Variants in DLGAP1 observed in about 807,000 individuals in gnomAD.
DLGAP1 encodes disks large-associated protein 1.
DLGAP1 carries 11 observed loss-of-function variants against 90.8 expected under a neutral mutation model. The ratio of observed to expected loss-of-function variants is 0.12; its 90% CI spans 0.08 to 0.20. The LOEUF is 0.20. Ranked by LOEUF, DLGAP1 falls within the 10% of genes least tolerant of loss-of-function variation. The probability of loss-of-function intolerance (pLI) is 1.00; values close to 1 mark genes in which losing one functional copy is unlikely to be tolerated. For missense variants in DLGAP1, 1,050 were observed against 1,333.8 expected, an observed-to-expected ratio of 0.79 and a Z score of 3.31; for synonymous variants, 558 against 540.7, an observed-to-expected ratio of 1.03 and a Z score of -0.44.
Position 4,440,714 on chromosome 18 carries a change from C to T in DLGAP1, c.-267+14292G>A, listed in dbSNP as rs1335817309. Among the ~76,000 whole-genome samples the T allele has an allele frequency of 2.0e-5, 3 of 152,232 alleles. 1 individual carries two copies. The East Asian group carries it at 5.8e-4, about 29-fold the overall frequency. On this transcript the variant is annotated intron_variant, in intron 1 of 12. Coordinates refer to ENST00000315677, the MANE Select transcript of DLGAP1 (RefSeq NM_004746.4). ...GCTAGGACATTATAAAGGACACTCA[C>T]TATTCAATCAGTTTTACATGTGTCT...
At position 4,454,791 on chromosome 18, in the gene DLGAP1, C is replaced by G. The variant is rs930836869; in HGVS notation, c.-267+215G>C. Among the ~76,000 whole-genome samples, 1 of 151,890 alleles carries G rather than the reference C, an allele frequency of 6.6e-6. No homozygotes were observed. Among genetic ancestry groups the G allele is most frequent in the African/African-American group, 2.4e-5 (1 of 41,394 alleles). ...AGAGGACGCGCTCGCCCCCGAGATC[C>G]CAGGTTACCCGGAGGGCCCGGGAGT... On this transcript the variant is annotated intron_variant, in intron 1 of 12. Coordinates refer to ENST00000315677, the MANE Select transcript of DLGAP1 (RefSeq NM_004746.4). This position sits in a 1 kb window ranked among gnomAD's most constrained non-coding sequence, Gnocchi z 4.7.
At chr18:4,345,763 T>G (rs986694112) in intron 1 of DLGAP1, among the ~76,000 whole-genome samples, 1 of 152,210 alleles carries the variant, frequency 6.6e-6, no homozygotes, top group African/African-American at 2.4e-5. Flanking sequence ...AGCCTACTTT[T>G]TCCCTTCTGC....
At chr18:4,012,677 T>C (rs754375481) in intron 2 of DLGAP1, among the ~76,000 whole-genome samples, 4 of 152,102 alleles carry the variant, frequency 2.6e-5, no homozygotes, top group Admixed American at 6.5e-5. Context: ...TTTTATTCTA[T>C]AAATTTTCTT....
intron 1 of DLGAP1, among the ~76,000 whole-genome samples, chr18:4,435,281 GT>G (rs1051658812): frequency 1.3e-5 from 2 of 152,130 alleles, no homozygotes; most frequent in African/African-American, 4.8e-5. Context: ...AAAATTTGAT[GT>G]TTTGATACAA....
chr18:3,840,887 A>G (rs754631605), intron 4 of DLGAP1, among the ~76,000 whole-genome samples: 2 of 152,090 alleles, frequency 1.3e-5, no homozygotes, highest in Non-Finnish European at 2.9e-5. Flanking sequence ...TTCACGGAAC[A>G]CCCTGTTGCC....
At chr18:4,427,875 G>A (rs1460076431) in intron 1 of DLGAP1, among the ~76,000 whole-genome samples, 1 of 152,196 alleles carries the variant, frequency 6.6e-6, no homozygotes, top group Admixed American at 6.5e-5. Context: ...AATGCTTAAA[G>A]TGACCTCATT....
At chr18:3,530,731 T>C (rs2051936164) in intron 10 of DLGAP1, among the ~76,000 whole-genome samples, 1 of 152,230 alleles carries the variant, frequency 6.6e-6, no homozygotes, top group Non-Finnish European at 1.5e-5. Context: ...CTAATTGTGC[T>C]TGGGGGTCAA....
intron 7 of DLGAP1, among the ~76,000 whole-genome samples, chr18:3,586,161 G>C (rs936860662): frequency 5.2e-4 from 79 of 152,306 alleles, no homozygotes; most frequent in African/African-American, 1.9e-3. Context: ...TTCTCCAACA[G>C]GGTGGTCCAG....
At position 4,454,109 on chromosome 18, in the gene DLGAP1, G is replaced by A. The variant is rs1041033036; in HGVS notation, c.-267+897C>T. On this transcript the variant is annotated intron_variant, in intron 1 of 12. Coordinates refer to ENST00000315677, the MANE Select transcript of DLGAP1 (RefSeq NM_004746.4). This position sits in a 1 kb window ranked among gnomAD's most constrained non-coding sequence, Gnocchi z 4.7. ...CCACGGCCTCCCGGTGCCACCCAGC[G>A]AGGCCGGGACAGCGCGCCTTCCGCA... Among the ~76,000 whole-genome samples, 3 of 152,216 alleles carry A rather than the reference G, an allele frequency of 2.0e-5. No individual in the cohort carries two copies. Among genetic ancestry groups the A allele is most frequent in the African/African-American group, 7.2e-5 (3 of 41,466 alleles).
At chr18:3,692,992 C>CTCTT (rs1280169994) in intron 7 of DLGAP1, among the ~76,000 whole-genome samples, 1 of 152,224 alleles carries the variant, frequency 6.6e-6, no homozygotes, top group Non-Finnish European at 1.5e-5. Flanking sequence ...TCACTGAAAG[C>CTCTT]TCTTTAACTC....
chr18:3,515,267 G>A (rs1411284731), intron 10 of DLGAP1, among the ~76,000 whole-genome samples: 8 of 147,710 alleles, frequency 5.4e-5, no homozygotes, highest in African/African-American at 1.0e-4. Context: ...TCAGGAGATC[G>A]AGCCCATCCT....
intron 7 of DLGAP1, among the ~76,000 whole-genome samples, chr18:3,584,814 C>T (rs555100832): frequency 3.0e-4 from 46 of 152,256 alleles, no homozygotes; most frequent in Admixed American, 1.2e-3. Flanking sequence ...GGCAGTGGCA[C>T]GATCATGGCT....
rs200782480 is a variant in DLGAP1 at position 4,418,869 on chromosome 18, A to C, written c.-267+36137T>G. Among the ~76,000 whole-genome samples the C allele has an allele frequency of 6.8e-3, 1,035 of 152,216 alleles. 32 individuals are homozygous for C. In the East Asian group the frequency reaches 0.087, roughly 13 times the overall value. On this transcript the variant is annotated intron_variant, in intron 1 of 12. Transcript: ENST00000315677. The stretch of plus-strand genomic sequence containing the variant: ...TACAGAGCCAAAAACAAAACAAAAA[A>C]AAAACCTCAGAGAGCGCAAAGCATG...
intron 5 of DLGAP1, among the ~76,000 whole-genome samples, chr18:3,808,416 C>T (rs1233834529): frequency 6.6e-6 from 1 of 152,072 alleles, no homozygotes; most frequent in Non-Finnish European, 1.5e-5. Context: ...GGACACTACC[C>T]TGGGTTTATA....
At chr18:3,741,336 C>CCACCACCACCACCAT (rs2063029980) in intron 6 of DLGAP1, among the ~76,000 whole-genome samples, 1 of 141,914 alleles carries the variant, frequency 7.0e-6, no homozygotes, top group Non-Finnish European at 1.5e-5. Flanking sequence ...ACCATCACCA[C>CCACCACCACCACCAT]CACCACCACC....
intron 7 of DLGAP1, among the ~76,000 whole-genome samples, chr18:3,649,758 GGAGGGA>G (rs2059230863): frequency 1.3e-5 from 2 of 151,750 alleles, no homozygotes; most frequent in African/African-American, 2.4e-5. Flanking sequence ...GAAAAGAGGA[GGAGGGA>G]GAGGGAAACA....
intron 1 of DLGAP1, among the ~76,000 whole-genome samples, chr18:4,424,632 T>A (rs899684114): frequency 1.3e-5 from 2 of 152,184 alleles, no homozygotes; most frequent in Non-Finnish European, 2.9e-5. Context: ...CTTCAAACTG[T>A]GACCAAACTG....
chr18:3,613,965 C>T (rs1447804090), intron 7 of DLGAP1, among the ~76,000 whole-genome samples: 1 of 152,024 alleles, frequency 6.6e-6, no homozygotes, highest in East Asian at 1.9e-4. Flanking sequence ...CTCTTTTGCC[C>T]AGGCTGGAGT....
intron 5 of DLGAP1, among the ~76,000 whole-genome samples, chr18:3,791,294 G>A (rs9953060): frequency 0.46 from 69,801 of 152,122 alleles, 17,090 homozygotes; most frequent in Non-Finnish European, 0.56. Context: ...TTAATATAGC[G>A]TAGCAGTACT....
Sources: allele counts gnomAD v4.1 joint callset (sites outside exome capture counted in the v4.1 genomes callset), GRCh38; gene constraint gnomAD v4.1.1; non-coding constraint Gnocchi (gnomAD v3.1); transcripts MANE v1.5; gene names NCBI Gene and HGNC (gene_info 2026-07-23, HGNC 2026-07-21).